The following CEP128 variants were observed in gnomAD, a reference collection of about 807,000 sequenced individuals.
CEP128 encodes centrosomal protein 128kDa.
A neutral mutation model predicts 156.7 loss-of-function variants in CEP128; 132 were observed. That is an observed-to-expected ratio of 0.84 (90% CI 0.73 to 0.97). CEP128 has a LOEUF of 0.97. Among genes scored for constraint, CEP128 ranks in the 50% least tolerant of loss-of-function variants. The pLI is 0.00. For missense variants in CEP128, 1,252 were observed against 1,281.9 expected, an observed-to-expected ratio of 0.98 and a Z score of 0.36; for synonymous variants, 469 against 448.9, an observed-to-expected ratio of 1.04 and a Z score of -0.57.
chr14:80,527,148 G>C, intron 22 of CEP128, 166 bp from the exon 23 acceptor site: 5 of 545,348 alleles, frequency 9.2e-6, no homozygotes, highest in East Asian at 3.2e-5. Context: ...AAAGAAGAAG[G>C]CTACACACAG....
Position 80,761,660 on chromosome 14 carries a change from G to A in CEP128, c.2377-47C>T, listed in dbSNP as rs774159202. ...AACAAGGTGATTACTATTAAGTGGAGGCAAGAAAATACTTGTAATATCTGT... is the reference window on the plus strand; with the variant it reads ...AACAAGGTGATTACTATTAAGTGGAAGCAAGAAAATACTTGTAATATCTGT... On this transcript the variant is annotated intron_variant, in intron 16 of 24. Transcript: ENST00000555265. 2.5e-5 allele frequency: 35 copies of A among 1,383,682 alleles called. 1 individual carries two copies. In the South Asian group the frequency reaches 3.6e-4, roughly 14 times the overall value. 85.7% of individuals were successfully genotyped at this position (1,383,682 alleles called of 1,614,324 possible). A position where few individuals can be genotyped will look rare whatever the true frequency, so the allele number is the denominator to read the frequency against.
chr14:80,508,573 AAAT>A (rs1888095413), intron 23 of CEP128, among the ~76,000 whole-genome samples: 1 of 152,144 alleles, frequency 6.6e-6, no homozygotes, highest in African/African-American at 2.4e-5. Flanking sequence ...TCTCTGTTAT[AAAT>A]AATCATTTGA....
At chr14:80,909,827 G>A (rs1011860838) in intron 4 of CEP128, among the ~76,000 whole-genome samples, 6 of 152,068 alleles carry the variant, frequency 3.9e-5, no homozygotes, top group South Asian at 2.1e-4. Context: ...GACAAAGTAC[G>A]AAGTCATAAA....
chr14:80,890,170 T>C lies in CEP128; in HGVS notation c.645+5548A>G, dbSNP rs568160732. On this transcript the variant is annotated intron_variant, in intron 8 of 24. Transcript: ENST00000555265. ...GTGGAGAAATAGGAACATTTTACACTGTTGGTGGGAGTGTAAATTAGTTCA... is the reference window on the plus strand; with the variant it reads ...GTGGAGAAATAGGAACATTTTACACCGTTGGTGGGAGTGTAAATTAGTTCA... 4.6e-5 allele frequency among the ~76,000 whole-genome samples: 7 copies of C among 152,296 alleles called. No individual in the cohort carries two copies. In the South Asian group the frequency reaches 1.4e-3, roughly 32 times the overall value.
At chr14:80,550,696 T>G (rs1183566811) in intron 21 of CEP128, among the ~76,000 whole-genome samples, 1 of 151,578 alleles carries the variant, frequency 6.6e-6, no homozygotes, top group Non-Finnish European at 1.5e-5. Flanking sequence ...AAATTGGTTT[T>G]TAAAATTCCC....
At chr14:80,522,205 C>G (rs1488326945) in intron 23 of CEP128, among the ~76,000 whole-genome samples, 1 of 152,162 alleles carries the variant, frequency 6.6e-6, no homozygotes, top group African/African-American at 2.4e-5. Context: ...AGGAATTATA[C>G]ACAGCATGCT....
intron 2 of CEP128, among the ~76,000 whole-genome samples, chr14:80,928,342 T>C (rs1381234030): frequency 6.6e-6 from 1 of 152,106 alleles, no homozygotes; most frequent in Non-Finnish European, 1.5e-5. Flanking sequence ...ATTATTAAAT[T>C]ATTCAAGGAG....
chr14:80,682,253 A>T (rs1409498972), intron 19 of CEP128, among the ~76,000 whole-genome samples: 1 of 152,370 alleles, frequency 6.6e-6, no homozygotes, highest in East Asian at 1.9e-4. Context: ...TAAGCATCTT[A>T]AAAAACAATC....
rs147971201 is a variant in CEP128, at chr14:80,520,338, G to A, written c.3072+6531C>T. Among the ~76,000 whole-genome samples, 1,151 of 152,180 alleles carry A rather than the reference G, an allele frequency of 7.6e-3. 5 individuals are homozygous for A. Among genetic ancestry groups the A allele is most frequent in the Non-Finnish European group, 0.012 (820 of 68,006 alleles). On this transcript the variant is annotated intron_variant, in intron 23 of 24. Coordinates refer to ENST00000555265, the MANE Select transcript of CEP128 (RefSeq NM_152446.5). Reference sequence around the variant, plus strand: ...GGAGGCTGAGGCAGGAGACTTGCTTGAACCCAGGAGGCAGAGGTTGCAGTG... The same window carrying A: ...GGAGGCTGAGGCAGGAGACTTGCTTAAACCCAGGAGGCAGAGGTTGCAGTG...
At chr14:80,868,758 A>G (rs73342108) in intron 8 of CEP128, among the ~76,000 whole-genome samples, 3,330 of 152,182 alleles carry the variant, frequency 0.022, 42 homozygotes, top group Middle Eastern at 0.072. Context: ...AGAGACTCAT[A>G]AATAGACTTT....
chr14:80,928,182 C>T (rs2162547), intron 2 of CEP128, among the ~76,000 whole-genome samples: 20,738 of 152,102 alleles, frequency 0.14, 1,753 homozygotes, highest in Admixed American at 0.21. Context: ...AAACAGTCTA[C>T]CCAAATAAGA....
Position 80,748,074 on chromosome 14 carries a change from A to G in CEP128, c.2614-4807T>C, listed in dbSNP as rs186174034. ...TAAACGGTAGAGAGTAAGTCAAGGC[A>G]GAAAAACAAAGCTAAAATTACACCT... On this transcript the variant is annotated intron_variant, in intron 18 of 24. Coordinates refer to ENST00000555265, the MANE Select transcript of CEP128 (RefSeq NM_152446.5). 8.4e-4 allele frequency among the ~76,000 whole-genome samples: 128 copies of G among 152,366 alleles called. 1 individual carries two copies. Among genetic ancestry groups the G allele is most frequent in the Non-Finnish European group, 1.6e-4 (11 of 68,032 alleles).
At chr14:80,756,386 C>A (rs1899660090) in intron 18 of CEP128, among the ~76,000 whole-genome samples, 1 of 152,172 alleles carries the variant, frequency 6.6e-6, no homozygotes. Flanking sequence ...TCACCTCCCA[C>A]CCATGTCTTA....
chr14:80,783,158 T>G (rs1339222450), intron 15 of CEP128, among the ~76,000 whole-genome samples: 1 of 152,148 alleles, frequency 6.6e-6, no homozygotes, highest in African/African-American at 2.4e-5. Context: ...TAACACAATA[T>G]GCTAAAAAAC....
intron 16 of CEP128, among the ~76,000 whole-genome samples, chr14:80,762,037 G>A: frequency 6.6e-6 from 1 of 151,954 alleles, no homozygotes; most frequent in East Asian, 1.9e-4. Context: ...CTTCATTTGA[G>A]GAAAAAAATA....
At chr14:80,829,045 C>G (rs1039331814) in intron 13 of CEP128, among the ~76,000 whole-genome samples, 2 of 152,004 alleles carry the variant, frequency 1.3e-5, no homozygotes, top group East Asian at 1.9e-4. Flanking sequence ...AAAGTCTGCA[C>G]GAAACATGAC....
intron 13 of CEP128, among the ~76,000 whole-genome samples, chr14:80,810,031 T>C (rs749656447): frequency 1.3e-5 from 2 of 151,094 alleles, no homozygotes; most frequent in Admixed American, 6.6e-5. Flanking sequence ...GAATAAAGAA[T>C]ATACAAAACA....
intron 2 of CEP128, among the ~76,000 whole-genome samples, chr14:80,952,632 G>T (rs1276537419): frequency 6.6e-6 from 1 of 151,592 alleles, no homozygotes; most frequent in Non-Finnish European, 1.5e-5. Flanking sequence ...CCCCAAGTAG[G>T]CAGAGTAATA....
At chr14:80,543,781 G>T (rs1449051257) in intron 21 of CEP128, among the ~76,000 whole-genome samples, 2 of 152,158 alleles carry the variant, frequency 1.3e-5, no homozygotes, top group Admixed American at 1.3e-4. Flanking sequence ...GTAGCAAATA[G>T]GAAAAAGAGT....
Sources: gnomAD v4.1 joint callset for allele counts (sites outside exome capture counted in the v4.1 genomes callset) on GRCh38, gnomAD v4.1.1 for gene constraint, MANE v1.5 for transcripts, NCBI Gene and HGNC (gene_info 2026-07-23, HGNC 2026-07-21) for gene names.